The following MRPL45 variants were observed in gnomAD, a reference collection of about 807,000 sequenced individuals.
MRPL45 encodes the protein large ribosomal subunit protein mL45.
A neutral mutation model predicts 38.1 loss-of-function variants in MRPL45; 20 were observed. That is an observed-to-expected ratio of 0.53 (90% confidence interval 0.37 to 0.76). MRPL45 has a LOEUF of 0.76. Among genes scored for constraint, MRPL45 ranks in the 30% least tolerant of loss-of-function variants. The probability of loss-of-function intolerance (pLI) is 0.00; values close to 1 mark genes in which losing one functional copy is unlikely to be tolerated. For synonymous variants in MRPL45, 105 were observed against 128.8 expected (o/e 0.82, Z 1.25); for missense variants, 337 against 395.6 (o/e 0.85, Z 1.26).
chr17:38,301,423 A>G (rs1169664801), intron 3 of MRPL45, among the ~76,000 whole-genome samples: 2 of 152,040 alleles, frequency 1.3e-5, no homozygotes, highest in East Asian at 3.9e-4. Context: ...TATTTTTAAT[A>G]GAGATGGGGT....
intron 4 of MRPL45, 87 bp from the exon 5 acceptor site, chr17:38,318,600 T>C: frequency 1.0e-6 from 1 of 965,962 alleles, no homozygotes; most frequent in Non-Finnish European, 1.7e-6. Flanking sequence ...AAAAATGAAT[T>C]GTTTTCCATT....
At chr17:38,314,589 G>GT (rs2037156191) in intron 4 of MRPL45, among the ~76,000 whole-genome samples, 1 of 152,012 alleles carries the variant, frequency 6.6e-6, no homozygotes, top group Non-Finnish European at 1.5e-5. Context: ...GATTTTTATA[G>GT]TTTTAGCTCT....
At position 38,322,574 on chromosome 17, in the gene MRPL45, C is replaced by T; in HGVS notation, c.900C>T (p.Ala300=). 6.2e-7 allele frequency: 1 copy of T among 1,613,136 alleles called. No individual in the cohort carries two copies. Among genetic ancestry groups the T allele is most frequent in the Non-Finnish European group, 8.5e-7 (1 of 1,179,804 alleles). The change falls in exon 8 of 8, where the codon GCC becomes GCT. Residue 300 remains alanine (A), a synonymous_variant. Coordinates refer to ENST00000613675, the MANE Select transcript of MRPL45 (RefSeq NM_032351.6). ...EEEYEEAQGE[A]QKPQLA is the part of the protein sequence containing the mutation. ...AATATGAAGAGGCACAAGGAGAGGC[C>T]CAGAAGCCTCAGCTAGCCTGATGAC...
At chr17:38,304,551 A>ATT (rs71254281) in intron 3 of MRPL45, among the ~76,000 whole-genome samples, 1 of 150,250 alleles carries the variant, frequency 6.7e-6, no homozygotes, top group Non-Finnish European at 1.5e-5. Flanking sequence ...TTTTTATTTT[A>ATT]TTTTTTTTTT....
intron 4 of MRPL45, among the ~76,000 whole-genome samples, chr17:38,314,678 A>C (rs552895799): frequency 2.6e-5 from 4 of 151,878 alleles, no homozygotes; most frequent in Non-Finnish European, 5.9e-5. Flanking sequence ...TTTTTTTTGC[A>C]TGAGAATATT....
At chr17:38,311,436 C>T (rs2037110447) in intron 4 of MRPL45, among the ~76,000 whole-genome samples, 1 of 152,022 alleles carries the variant, frequency 6.6e-6, no homozygotes, top group Admixed American at 6.6e-5. Flanking sequence ...GCCTATAATC[C>T]CAGCACTTTG....
At position 38,320,778 on chromosome 17, in the gene MRPL45, T is replaced by G. The variant is rs1567719254; in HGVS notation, c.660+11T>G. 6.2e-7 allele frequency: 1 copy of G among 1,613,300 alleles called. No individual in the cohort carries two copies. Among genetic ancestry groups the G allele is most frequent in the Non-Finnish European group, 8.5e-7 (1 of 1,179,790 alleles). On this transcript the variant is annotated intron_variant, in intron 6 of 7. Coordinates refer to ENST00000613675, the MANE Select transcript of MRPL45 (RefSeq NM_032351.6). ...ATGCACACCCGGCAGGTAGAGGCAC[T>G]CGTCTGCCTTCCTCCCAGCTTTTTT...
At chr17:38,308,941 T>C (rs1241744890) in intron 4 of MRPL45, among the ~76,000 whole-genome samples, 3 of 151,512 alleles carry the variant, frequency 2.0e-5, no homozygotes, top group Non-Finnish European at 4.4e-5. Flanking sequence ...AGAGTCTCGC[T>C]CTGTCACCAG....
chr17:38,308,971 A>G (rs566631953), intron 4 of MRPL45, among the ~76,000 whole-genome samples: 2 of 151,702 alleles, frequency 1.3e-5, no homozygotes, highest in Admixed American at 6.6e-5. Context: ...CAGTAGCGCA[A>G]TCTCGACTTA....
At chr17:38,301,822 CAG>C (rs1391038640) in intron 3 of MRPL45, among the ~76,000 whole-genome samples, 1 of 151,942 alleles carries the variant, frequency 6.6e-6, no homozygotes, top group African/African-American at 2.4e-5. Flanking sequence ...GAGCATATGA[CAG>C]GGAAAGATAA....
intron 4 of MRPL45, among the ~76,000 whole-genome samples, chr17:38,313,360 ATATATACG>A (rs1230765902): frequency 9.6e-5 from 2 of 20,840 alleles, no homozygotes; most frequent in African/African-American, 3.8e-4. Context: ...ATATATATAT[ATATATACG>A]TATATATATA....
At chr17:38,306,809 C>T (rs557236588) in intron 4 of MRPL45, among the ~76,000 whole-genome samples, 178 bp downstream of exon 4, 48 of 152,278 alleles carry the variant, frequency 3.2e-4, no homozygotes, top group Admixed American at 1.8e-3. Context: ...CGCTGTCTTT[C>T]ACTCCCCTCT....
chr17:38,315,300 G>T (rs2037162580), intron 4 of MRPL45, among the ~76,000 whole-genome samples: 1 of 152,176 alleles, frequency 6.6e-6, no homozygotes, highest in Non-Finnish European at 1.5e-5. Flanking sequence ...AGCCAGGCTG[G>T]AGTGAGCACA....
chr17:38,316,807 C>CTTTTT lies in MRPL45; in HGVS notation c.462-1875_462-1871dup, dbSNP rs370470597. On this transcript the variant is annotated intron_variant, in intron 4 of 7. Coordinates refer to ENST00000613675, the MANE Select transcript of MRPL45 (RefSeq NM_032351.6). ...TGTTTTACATTTTATCCAACATTTCCTTTTTTTTTGAGACGGAGTCTTGCT... is the reference window on the plus strand; with the variant it reads ...TGTTTTACATTTTATCCAACATTTCCTTTTTTTTTTTTTTGAGACGGAGTCTTGCT... Among the ~76,000 whole-genome samples the CTTTTT allele has an allele frequency of 5.6e-5, 8 of 141,644 alleles. No homozygotes were observed. The South Asian group carries it at 1.4e-3, about 25-fold the overall frequency. 92.9% of individuals were successfully genotyped at this position (141,644 alleles called of 152,430 possible).
At chr17:38,317,824 C>T (rs377561463) in intron 4 of MRPL45, among the ~76,000 whole-genome samples, 90 of 151,830 alleles carry the variant, frequency 5.9e-4, no homozygotes, top group African/African-American at 1.9e-3. Flanking sequence ...CCACCCGCCT[C>T]GGCCTCCCAA....
chr17:38,320,267 A>T (rs369085605), intron 5 of MRPL45, among the ~76,000 whole-genome samples: 90 of 152,332 alleles, frequency 5.9e-4, no homozygotes, highest in African/African-American at 1.9e-3. Flanking sequence ...TGCAGTCAAC[A>T]CAAGTACATG....
In MRPL45 at chr17:38,322,683, A is replaced by G. The variant is rs1487137513; in HGVS notation, c.*88A>G. On this transcript the variant is annotated 3_prime_UTR_variant, in exon 8 of 8. Transcript: ENST00000613675. ...CCATTCCCCTCATGCTATAAAAAGA[A>G]CTACCTTTGTTCTCTCCCATCCTGC... The G allele has an allele frequency of 3.9e-6, 4 of 1,027,496 alleles. No individual in the cohort carries two copies. Among genetic ancestry groups the G allele is most frequent in the Non-Finnish European group, 5.8e-6 (4 of 689,008 alleles). The allele number at this position is 1,027,496 out of a possible 1,614,324, so 63.6% of individuals were successfully genotyped here.
chr17:38,314,203 C>T (rs982387615), intron 4 of MRPL45, among the ~76,000 whole-genome samples: 2 of 152,054 alleles, frequency 1.3e-5, no homozygotes, highest in Non-Finnish European at 2.9e-5. Flanking sequence ...CTCCTGGGTT[C>T]AAGCAATTCT....
At chr17:38,313,836 T>A (rs776475588) in intron 4 of MRPL45, among the ~76,000 whole-genome samples, 7 of 150,878 alleles carry the variant, frequency 4.6e-5, no homozygotes, top group Non-Finnish European at 7.4e-5. Flanking sequence ...CTAATTTTTG[T>A]AGTTTTAGTA....
Sources: allele counts gnomAD v4.1 joint callset (sites outside exome capture counted in the v4.1 genomes callset), GRCh38; gene constraint gnomAD v4.1.1; transcripts MANE v1.5; gene names NCBI Gene and HGNC (gene_info 2026-07-23, HGNC 2026-07-21).